The following ZNF124 variants were observed in gnomAD, a reference collection of about 807,000 sequenced individuals.
ZNF124 encodes zinc finger protein HZF-16.
ZNF124 carries 25 observed loss-of-function variants against 26.6 expected under a neutral mutation model. The ratio of observed to expected loss-of-function variants is 0.94; its 90% CI spans 0.68 to 1.31. The LOEUF (loss-of-function observed/expected upper bound fraction) is 1.31, where lower values mean the gene tolerates loss of function less well. ZNF124 is among the 40% of genes most tolerant of loss of function. The pLI, the probability that ZNF124 is intolerant of heterozygous loss-of-function variation, is 0.00. For missense variants in ZNF124, 444 were observed against 422.2 expected (o/e 1.05, Z -0.45); for synonymous variants, 129 against 133.3 (o/e 0.97, Z 0.22).
chr1:247,148,720 G>A (rs1261020064), intron 3 of ZNF124, among the ~76,000 whole-genome samples: 2 of 152,140 alleles, frequency 1.3e-5, no homozygotes, highest in Non-Finnish European at 2.9e-5. Flanking sequence ...CAGCACTTTT[G>A]GAGGCCGAGG....
chr1:247,136,694 C>A (rs1352706067), intron 3 of ZNF124, among the ~76,000 whole-genome samples: 1 of 152,112 alleles, frequency 6.6e-6, no homozygotes, highest in East Asian at 1.9e-4. Flanking sequence ...TGCTTGTAAT[C>A]CCAGCACTTT....
At chr1:247,142,459 G>A (rs1259402785) in intron 3 of ZNF124, among the ~76,000 whole-genome samples, 4 of 151,652 alleles carry the variant, frequency 2.6e-5, no homozygotes, top group African/African-American at 9.7e-5. Context: ...ATATTATTAG[G>A]GTGTAATCAT....
intron 3 of ZNF124, among the ~76,000 whole-genome samples, chr1:247,141,942 C>T (rs982949979): frequency 6.6e-6 from 1 of 152,192 alleles, no homozygotes; most frequent in African/African-American, 2.4e-5. Context: ...CTTAGCTTGC[C>T]AGCTCTGGGG....
chr1:247,158,631 GT>G (rs925633994), intron 3 of ZNF124, among the ~76,000 whole-genome samples: 37 of 147,020 alleles, frequency 2.5e-4, no homozygotes, highest in South Asian at 8.6e-4. Context: ...TGTTTGCTTG[GT>G]TTTTTTTTTT....
At chr1:247,151,275 C>T (rs1000864253), downstream of ZNF124, among the ~76,000 whole-genome samples, 3 of 151,932 alleles carry the variant, frequency 2.0e-5, no homozygotes, top group Admixed American at 6.5e-5. Flanking sequence ...GTCAGGAAAT[C>T]GAGACCATCC....
At chr1:247,130,940 G>A (rs577318329) in intron 3 of ZNF124, among the ~76,000 whole-genome samples, 40 of 152,320 alleles carry the variant, frequency 2.6e-4, no homozygotes, top group African/African-American at 9.1e-4. Flanking sequence ...GCTGGGCGTG[G>A]TGGCGTATGC....
At chr1:247,135,316 A>G (rs1672455843) in intron 3 of ZNF124, among the ~76,000 whole-genome samples, 1 of 152,188 alleles carries the variant, frequency 6.6e-6, no homozygotes, top group South Asian at 2.1e-4. Context: ...AAGAGAGAGA[A>G]GAATCAAAAA....
At chr1:247,157,729 T>C (rs1295521507) in intron 3 of ZNF124, among the ~76,000 whole-genome samples, 1 of 152,152 alleles carries the variant, frequency 6.6e-6, no homozygotes, top group Admixed American at 6.5e-5. Flanking sequence ...CCCTCCCCTA[T>C]AGCTATTAAC....
At chr1:247,163,243 T>C (rs1400345719) in intron 1 of ZNF124, among the ~76,000 whole-genome samples, 1 of 150,378 alleles carries the variant, frequency 6.6e-6, no homozygotes, top group Non-Finnish European at 1.5e-5. Context: ...TTAGAGGAAC[T>C]AAAGAAACAA....
chr1:247,138,699 A>G, intron 3 of ZNF124: 2 of 398,654 alleles, frequency 5.0e-6, no homozygotes, highest in Non-Finnish European at 4.4e-6. Flanking sequence ...AGGTACATAC[A>G]TAGACCCAAA....
intron 3 of ZNF124, among the ~76,000 whole-genome samples, chr1:247,157,920 G>A (rs898280440): frequency 1.5e-4 from 22 of 150,084 alleles, no homozygotes; most frequent in Non-Finnish European, 2.5e-4. Flanking sequence ...GTGACTTCTC[G>A]CTCTATTAGT....
downstream of ZNF124, among the ~76,000 whole-genome samples, chr1:247,151,639 C>A (rs936723534): frequency 6.6e-6 from 1 of 152,166 alleles, no homozygotes; most frequent in South Asian, 2.1e-4. Flanking sequence ...TACAACACAA[C>A]AATGTGATTA....
intron 3 of ZNF124, among the ~76,000 whole-genome samples, chr1:247,144,298 C>T (rs1319517975): frequency 7.9e-5 from 12 of 152,172 alleles, no homozygotes; most frequent in African/African-American, 2.7e-4. Context: ...CCTACCTTCT[C>T]CTAGACATTT....
chr1:247,156,282 T>C lies in ZNF124; in HGVS notation c.*284A>G. 1 of 1,120,672 alleles carries C rather than the reference T, an allele frequency of 8.9e-7. No individual in the cohort carries two copies. Among genetic ancestry groups the C allele is most frequent in the Non-Finnish European group, 1.1e-6 (1 of 918,244 alleles). The allele number at this position is 1,120,672 out of a possible 1,614,324, so 69.4% of individuals were successfully genotyped here. A position where few individuals can be genotyped will look rare whatever the true frequency, so the allele number is the denominator to read the frequency against. ...TAAAGTTTTTCTCTAGAATGAGTTA[T>C]GTTATACCATCAAATACCACTGGAA... On this transcript the variant is annotated 3_prime_UTR_variant, in exon 4 of 4. Coordinates refer to ENST00000543802, the MANE Select transcript of ZNF124 (RefSeq NM_001297568.2).
intron 3 of ZNF124, among the ~76,000 whole-genome samples, chr1:247,133,695 C>G (rs1672420697): frequency 6.7e-6 from 1 of 149,534 alleles, no homozygotes; most frequent in African/African-American, 2.5e-5. Context: ...ACTCTGTCAC[C>G]CAGGCTGGGG....
chr1:247,123,241 G>C (rs1572050842), exon 4 of ZNF124: 2 of 152,148 alleles, frequency 1.3e-5, no homozygotes, highest in East Asian at 3.9e-4. Flanking sequence ...CTGTCACGCA[G>C]GCTGGAGTAC....
downstream of ZNF124, among the ~76,000 whole-genome samples, chr1:247,151,829 C>A (rs1355871431): frequency 1.4e-4 from 20 of 143,968 alleles, no homozygotes; most frequent in Admixed American, 5.5e-4. Flanking sequence ...AAAAAAAAAA[C>A]CAAAACAACA....
rs911240971 is a variant in ZNF124, at chr1:247,168,859, G to A, written c.30+2989C>T. Among the ~76,000 whole-genome samples, 3 of 152,082 alleles carry A rather than the reference G, an allele frequency of 2.0e-5. No homozygotes were observed. Among genetic ancestry groups the A allele is most frequent in the Non-Finnish European group, 4.4e-5 (3 of 68,028 alleles). On this transcript the variant is annotated intron_variant, in intron 1 of 3. Coordinates refer to ENST00000543802, the MANE Select transcript of ZNF124 (RefSeq NM_001297568.2). This position sits in a 1 kb window ranked among gnomAD's most constrained non-coding sequence, Gnocchi z 4.0. ...ATGGACCTTGGTGATTTGGGGGCAA[G>A]GGTGGGAGGGGGTGAGACTGCATAT...
chr1:247,164,281 A>G (rs74863858), intron 1 of ZNF124, among the ~76,000 whole-genome samples: 17,435 of 152,122 alleles, frequency 0.11, 1,280 homozygotes, highest in African/African-American at 0.18. Context: ...ATACTACTGA[A>G]ATAAAATGCA....
Sources: allele counts gnomAD v4.1 joint callset (sites outside exome capture counted in the v4.1 genomes callset), GRCh38; gene constraint gnomAD v4.1.1; non-coding constraint Gnocchi (gnomAD v3.1); transcripts MANE v1.5; gene names NCBI Gene and HGNC (gene_info 2026-07-23, HGNC 2026-07-21).